HPSE2: variants seen among roughly 807,000 people sequenced by gnomAD.
HPSE2 encodes inactive heparanase-2.
HPSE2 carries 38 observed loss-of-function variants against 60.5 expected under a neutral mutation model. That is an observed-to-expected ratio of 0.63 (90% confidence interval 0.48 to 0.82). HPSE2 has a LOEUF of 0.82. Among genes scored for constraint, HPSE2 ranks in the 40% least tolerant of loss-of-function variants. The pLI, the probability that HPSE2 is intolerant of heterozygous loss-of-function variation, is 0.00. For missense variants in HPSE2, 713 were observed against 740.4 expected, an observed-to-expected ratio of 0.96 and a Z score of 0.43; for synonymous variants, 295 against 293.2, an observed-to-expected ratio of 1.01 and a Z score of -0.06.
chr10:99,285,522 G>T, the HPSE2 span, among the ~76,000 whole-genome samples: 1,653 of 138,656 alleles, frequency 0.012, 20 homozygotes, highest in Non-Finnish European at 0.019. Context: ...AAGGAGTAGG[G>T]TGGAGGGAGG....
At chr10:98,965,098 C>T (rs1955781395) in intron 3 of HPSE2, among the ~76,000 whole-genome samples, 1 of 152,168 alleles carries the variant, frequency 6.6e-6, no homozygotes, top group Admixed American at 6.5e-5. Flanking sequence ...CCACTTCTAA[C>T]CTATCCTGTA....
At chr10:98,460,165 T>C (rs949381944) in intron 11 of HPSE2, among the ~76,000 whole-genome samples, 3 of 152,156 alleles carry the variant, frequency 2.0e-5, no homozygotes, top group Admixed American at 6.5e-5. Context: ...ACCTAAAGAG[T>C]TTTTACCTGT....
intron 2 of HPSE2, among the ~76,000 whole-genome samples, chr10:99,216,490 G>A (rs957965670): frequency 2.0e-4 from 28 of 137,122 alleles, no homozygotes; most frequent in Non-Finnish European, 3.8e-4. Flanking sequence ...CCACTGCACC[G>A]GCCTAACCTA....
At chr10:98,881,362 A>G (rs1255303156) in intron 3 of HPSE2, among the ~76,000 whole-genome samples, 2 of 152,058 alleles carry the variant, frequency 1.3e-5, no homozygotes. Context: ...GGGGTTGCAC[A>G]TATGACAGGA....
intron 3 of HPSE2, among the ~76,000 whole-genome samples, chr10:99,021,399 C>T (rs1394103846): frequency 6.6e-6 from 1 of 152,100 alleles, no homozygotes; most frequent in Non-Finnish European, 1.5e-5. Context: ...TCCAAGGTTA[C>T]TCATCTTATA....
chr10:98,699,682 G>A (rs1360275780), intron 5 of HPSE2, among the ~76,000 whole-genome samples: 1 of 128,278 alleles, frequency 7.8e-6, no homozygotes, highest in Non-Finnish European at 1.7e-5. Context: ...TATTCAATTA[G>A]GAAAAGGGGA....
intron 3 of HPSE2, among the ~76,000 whole-genome samples, chr10:99,129,481 C>A (rs1845296255): frequency 6.6e-6 from 1 of 151,920 alleles, no homozygotes; most frequent in Non-Finnish European, 1.5e-5. Context: ...CCAAAAGAAA[C>A]CCTCAGAACT....
At chr10:99,312,291 C>T in the HPSE2 span, among the ~76,000 whole-genome samples, 1 of 152,176 alleles carries the variant, frequency 6.6e-6, no homozygotes, top group Non-Finnish European at 1.5e-5. Flanking sequence ...TCACCTAGGA[C>T]TTCCATAGCT....
chr10:98,975,813 T>C (rs1013151010), intron 3 of HPSE2, among the ~76,000 whole-genome samples: 1 of 152,094 alleles, frequency 6.6e-6, no homozygotes, highest in Non-Finnish European at 1.5e-5. Flanking sequence ...CCTGAACAAA[T>C]TGTTGGACAT....
At chr10:99,044,866 A>G (rs1957819552) in intron 3 of HPSE2, among the ~76,000 whole-genome samples, 1 of 152,172 alleles carries the variant, frequency 6.6e-6, no homozygotes, top group Admixed American at 6.5e-5. Flanking sequence ...GATTCATAAA[A>G]CAAGTTCTTC....
intron 6 of HPSE2, among the ~76,000 whole-genome samples, chr10:98,669,128 TA>T (rs1445799983): frequency 1.5e-5 from 1 of 66,806 alleles, no homozygotes; most frequent in African/African-American, 3.2e-5. Flanking sequence ...ACAAACATAT[TA>T]AAAAATACTC....
the HPSE2 span, among the ~76,000 whole-genome samples, chr10:99,295,223 A>G: frequency 2.0e-5 from 3 of 152,164 alleles, no homozygotes; most frequent in African/African-American, 7.2e-5. Context: ...TATATTCTCA[A>G]TTTTAAAATA....
intron 3 of HPSE2, among the ~76,000 whole-genome samples, chr10:98,805,964 T>C (rs1008741847): frequency 1.3e-5 from 2 of 152,202 alleles, no homozygotes; most frequent in East Asian, 3.9e-4. Flanking sequence ...ATATAGAGAA[T>C]GTAAGAAATT....
chr10:98,968,960 C>T (rs967128660), intron 3 of HPSE2, among the ~76,000 whole-genome samples: 4 of 151,618 alleles, frequency 2.6e-5, no homozygotes, highest in African/African-American at 9.7e-5. Flanking sequence ...CCCATGTAAC[C>T]CAAAACTGCC....
intron 3 of HPSE2, among the ~76,000 whole-genome samples, chr10:98,957,632 C>G (rs1955543490): frequency 6.6e-6 from 1 of 152,194 alleles, no homozygotes; most frequent in Non-Finnish European, 1.5e-5. Flanking sequence ...CAGCAGTCTT[C>G]TGATTCCATA....
At chr10:98,487,532 C>T (rs1208039864) in intron 10 of HPSE2, among the ~76,000 whole-genome samples, 1 of 152,152 alleles carries the variant, frequency 6.6e-6, no homozygotes, top group Non-Finnish European at 1.5e-5. Context: ...GATGTGATAC[C>T]GTAGAACCTT....
intron 3 of HPSE2, among the ~76,000 whole-genome samples, chr10:98,967,695 T>C (rs982917986): frequency 8.5e-5 from 13 of 152,192 alleles, no homozygotes; most frequent in Admixed American, 5.2e-4. Flanking sequence ...AAAAATAATT[T>C]AAATAATGAA....
intron 11 of HPSE2, among the ~76,000 whole-genome samples, chr10:98,473,226 T>C (rs1486918535): frequency 6.6e-6 from 1 of 152,114 alleles, no homozygotes. Flanking sequence ...GGCTCATGTC[T>C]ATAGTCCTAG....
At chr10:98,658,644 G>A (rs750435785) in intron 6 of HPSE2, among the ~76,000 whole-genome samples, 7 of 151,468 alleles carry the variant, frequency 4.6e-5, no homozygotes, top group South Asian at 4.2e-4. Flanking sequence ...GCTTTCTTCC[G>A]AAGCTTCAGT....
Sources: gnomAD v4.1 joint callset for allele counts (sites outside exome capture counted in the v4.1 genomes callset) on GRCh38, gnomAD v4.1.1 for gene constraint, MANE v1.5 for transcripts, NCBI Gene and HGNC (gene_info 2026-07-23, HGNC 2026-07-21) for gene names.